Variants in ADGRG7 observed in about 807,000 individuals in gnomAD.
The protein encoded by ADGRG7 is adhesion G protein-coupled receptor G7.
ADGRG7 carries 82 observed loss-of-function variants against 88.6 expected under a neutral mutation model. That is an observed-to-expected ratio of 0.93 (90% CI 0.77 to 1.11). ADGRG7 has a LOEUF of 1.11. Ranked by LOEUF, ADGRG7 falls within the 50% of genes most tolerant of loss-of-function variation. ADGRG7 has a pLI of 0.00. For missense variants in ADGRG7, 945 were observed against 953.4 expected (o/e 0.99, Z 0.12); for synonymous variants, 381 against 345.2 (o/e 1.10, Z -1.15).
intron 15 of ADGRG7, among the ~76,000 whole-genome samples, chr3:100,690,235 A>C (rs1359260209): frequency 2.0e-5 from 3 of 152,014 alleles, no homozygotes; most frequent in African/African-American, 7.2e-5. Flanking sequence ...CACGTCCTTT[A>C]AGGACTTCTC....
intron 14 of ADGRG7, 119 bp downstream of exon 14, chr3:100,659,962 G>T: frequency 1.1e-6 from 1 of 907,726 alleles, no homozygotes; most frequent in Non-Finnish European, 1.6e-6. Context: ...GGGCTACGTG[G>T]TTTACAGGAG....
chr3:100,650,742 C>T (rs1293753401), intron 11 of ADGRG7, among the ~76,000 whole-genome samples: 5 of 152,088 alleles, frequency 3.3e-5, no homozygotes, highest in Non-Finnish European at 5.9e-5. Flanking sequence ...TAATAGATGA[C>T]TCGTGGGGTG....
intron 15 of ADGRG7, among the ~76,000 whole-genome samples, chr3:100,686,204 C>T (rs1164808139): frequency 1.3e-5 from 2 of 151,716 alleles, no homozygotes. Flanking sequence ...TATCCTTTGC[C>T]CACTTTTTGA....
At chr3:100,670,120 G>T (rs1334581782) in intron 15 of ADGRG7, among the ~76,000 whole-genome samples, 1 of 151,762 alleles carries the variant, frequency 6.6e-6, no homozygotes, top group Admixed American at 6.6e-5. Flanking sequence ...CTATATTTTT[G>T]TACCAATACC....
At chr3:100,655,255 G>A (rs1414362969) in intron 12 of ADGRG7, 74 bp downstream of exon 12, 7 of 1,070,712 alleles carry the variant, frequency 6.5e-6, no homozygotes, top group South Asian at 1.5e-5. Context: ...CTTATTGAAG[G>A]CCTAATAGTC....
rs558567245 is a variant in ADGRG7 at position 100,610,541 on chromosome 3, T to C, written c.115+570T>C. ...CATTTTTAAATGACTTTCCTGATTA[T>C]TCAACGAACATTTGTTAGTCCCCCG... On this transcript the variant is annotated intron_variant, in intron 1 of 15. Coordinates refer to ENST00000273352, the MANE Select transcript of ADGRG7 (RefSeq NM_032787.3). Among the ~76,000 whole-genome samples the C allele has an allele frequency of 3.9e-5, 6 of 152,340 alleles. No individual in the cohort carries two copies. In the South Asian group the frequency reaches 1.0e-3, roughly 26 times the overall value.
Position 100,640,077 on chromosome 3 carries a change from G to T in ADGRG7, c.698+2675G>T, listed in dbSNP as rs1414130702. On this transcript the variant is annotated intron_variant, in intron 6 of 15. Transcript: ENST00000273352. Reference sequence around the variant, plus strand: ...TCCTTCCTTCATTCACTTAGATAAAGCTTCCTCCTCTGCTTCTAGCCCCAA... The same window carrying T: ...TCCTTCCTTCATTCACTTAGATAAATCTTCCTCCTCTGCTTCTAGCCCCAA... 2.6e-5 allele frequency among the ~76,000 whole-genome samples: 4 copies of T among 152,140 alleles called. 1 individual carries two copies. Among genetic ancestry groups the T allele is most frequent in the Admixed American group, 2.6e-4 (4 of 15,282 alleles).
At chr3:100,663,334 TA>T (rs1361102747) in intron 14 of ADGRG7, among the ~76,000 whole-genome samples, 1 of 152,112 alleles carries the variant, frequency 6.6e-6, no homozygotes, top group Non-Finnish European at 1.5e-5. Context: ...TCAAAAACAT[TA>T]AAAACACTCT....
Position 100,646,597 on chromosome 3 carries a change from C to T in ADGRG7, c.1139C>T (p.Ser380Phe). The T allele has an allele frequency of 6.2e-7, 1 of 1,613,822 alleles. No homozygotes were observed. The highest frequency in any genetic ancestry group is 8.5e-7 in the Non-Finnish European group (1 of 1,179,778). ...AACCAAAAAGAATTTCAACTCTATT[C>T]CTATGCCTGTGTCTATTGGAATTTG... Reference protein sequence around the residue: ...KYNQKEFQLYSYACVYWNLSA... With the variant: ...KYNQKEFQLYFYACVYWNLSA... The change falls in exon 10 of 16, where the codon TCC becomes TTC. Residue 380 changes from serine (S) to phenylalanine (F), a missense_variant. Coordinates refer to ENST00000273352, the MANE Select transcript of ADGRG7 (RefSeq NM_032787.3).
At chr3:100,667,179 AT>A (rs889230142) in intron 14 of ADGRG7, among the ~76,000 whole-genome samples, 6 of 151,446 alleles carry the variant, frequency 4.0e-5, no homozygotes, top group Admixed American at 2.0e-4. Context: ...CACCTGGTTA[AT>A]TTTTTTTTTT....
At position 100,649,909 on chromosome 3, in the gene ADGRG7, C is replaced by G. The variant is rs2094926665; in HGVS notation, c.1379+102C>G. The G allele has an allele frequency of 5.3e-6, 3 of 564,416 alleles. No homozygotes were observed. The East Asian group carries it at 9.1e-5, about 17-fold the overall frequency. The allele number at this position is 564,416 out of a possible 1,614,324, so 35.0% of individuals were successfully genotyped here. A position where few individuals can be genotyped will look rare whatever the true frequency, so the allele number is the denominator to read the frequency against. On this transcript the variant is annotated intron_variant, in intron 11 of 15. Transcript: ENST00000273352. Reference sequence around the variant, plus strand: ...AGTGTCTTTGAACTAGGCAAGAACTCAGAGAGGTACTTATTTTACAGAGGA... The same window carrying G: ...AGTGTCTTTGAACTAGGCAAGAACTGAGAGAGGTACTTATTTTACAGAGGA...
At chr3:100,660,084 G>C (rs1439941792) in intron 14 of ADGRG7, among the ~76,000 whole-genome samples, 1 of 152,122 alleles carries the variant, frequency 6.6e-6, no homozygotes, top group African/African-American at 2.4e-5. Context: ...AACAAAGTGA[G>C]GATCAACTAA....
intron 15 of ADGRG7, among the ~76,000 whole-genome samples, chr3:100,691,051 G>A (rs1158912467): frequency 6.6e-6 from 1 of 152,238 alleles, no homozygotes; most frequent in Non-Finnish European, 1.5e-5. Context: ...ACCTACTCAA[G>A]CCTCAGCAAT....
chr3:100,637,616 G>T (rs530615609), intron 6 of ADGRG7: 14 of 497,136 alleles, frequency 2.8e-5, no homozygotes, highest in African/African-American at 2.3e-4. Context: ...TGCTGGCCAT[G>T]GCCTGGGAGA....
chr3:100,655,589 G>A (rs989297739), intron 12 of ADGRG7, among the ~76,000 whole-genome samples: 2 of 152,132 alleles, frequency 1.3e-5, no homozygotes, highest in Non-Finnish European at 2.9e-5. Flanking sequence ...TTGTTTCAGG[G>A]ATATCTAAAT....
Position 100,609,827 on chromosome 3 carries a change from C to A in ADGRG7, c.-30C>A. The A allele has an allele frequency of 6.6e-7, 1 of 1,515,008 alleles. No individual in the cohort carries two copies. The highest frequency in any genetic ancestry group is 9.2e-7 in the Non-Finnish European group (1 of 1,090,470). The allele number at this position is 1,515,008 out of a possible 1,614,324, so 93.8% of individuals were successfully genotyped here. A position where few individuals can be genotyped will look rare whatever the true frequency, so the allele number is the denominator to read the frequency against. ...AGAAAAGAAGCTAGTTATTTCTCAC[C>A]CAGGAGTGGATTTGTGGTTTGGCTT... On this transcript the variant is annotated 5_prime_UTR_variant, in exon 1 of 16. Transcript: ENST00000273352.
At chr3:100,655,803 C>A in intron 12 of ADGRG7, 96 bp from the exon 13 acceptor site, 1 of 752,998 alleles carries the variant, frequency 1.3e-6, no homozygotes, top group African/African-American at 1.7e-5. Context: ...CAACATACAT[C>A]CTGAAGAGGG....
intron 14 of ADGRG7, chr3:100,664,950 C>A: frequency 3.0e-6 from 1 of 335,366 alleles, no homozygotes; most frequent in South Asian, 2.8e-5. Flanking sequence ...AGAAAACAAA[C>A]TGTAAGTAAC....
At position 100,674,333 on chromosome 3, in the gene ADGRG7, C is replaced by T. The variant is rs116318824; in HGVS notation, c.2136+5228C>T. Reference sequence around the variant, plus strand: ...TTTTTTCTTTTTCTGTGAAGAATGCCATTGGTGTTTTGATAGAGATTGCAT... The same window carrying T: ...TTTTTTCTTTTTCTGTGAAGAATGCTATTGGTGTTTTGATAGAGATTGCAT... On this transcript the variant is annotated intron_variant, in intron 15 of 15. Coordinates refer to ENST00000273352, the MANE Select transcript of ADGRG7 (RefSeq NM_032787.3). Among the ~76,000 whole-genome samples, 1,072 of 152,118 alleles carry T rather than the reference C, an allele frequency of 7.0e-3. 16 individuals carry two copies. The highest frequency in any genetic ancestry group is 0.025 in the African/African-American group (1,018 of 41,476).
Sources: gnomAD v4.1 joint callset for allele counts (sites outside exome capture counted in the v4.1 genomes callset) on GRCh38, gnomAD v4.1.1 for gene constraint, MANE v1.5 for transcripts, NCBI Gene and HGNC (gene_info 2026-07-23, HGNC 2026-07-21) for gene names.